The following SLC38A8 variants were observed in gnomAD, a reference collection of about 807,000 sequenced individuals.
SLC38A8 encodes the protein solute carrier family 38 member 8, also known as amino acid transporter SLC38A8.
In SLC38A8, 65 loss-of-function variants were observed where a neutral mutation model predicts 46.0. The observed-to-expected ratio is 1.41, with a 90% CI of 1.16 to 1.74. The LOEUF (loss-of-function observed/expected upper bound fraction) is 1.74, where lower values mean the gene tolerates loss of function less well. SLC38A8 is among the 40% of genes most tolerant of loss of function. SLC38A8 has a pLI of 0.00. For missense variants in SLC38A8, 998 were observed against 567.9 expected, an observed-to-expected ratio of 1.76 and a Z score of -7.70; for synonymous variants, 447 against 243.7, an observed-to-expected ratio of 1.83 and a Z score of -7.77.
intron 6 of SLC38A8, among the ~76,000 whole-genome samples, chr16:84,028,441 C>T (rs2085192197): frequency 6.6e-6 from 1 of 151,764 alleles, no homozygotes; most frequent in African/African-American, 2.4e-5. Flanking sequence ...AAAAATTAGC[C>T]AGGCATGGTG....
At chr16:84,013,471 G>A (rs184113463) in intron 9 of SLC38A8, among the ~76,000 whole-genome samples, 8 of 122,238 alleles carry the variant, frequency 6.5e-5, no homozygotes, top group Non-Finnish European at 4.8e-5. Flanking sequence ...TCACTCTGCT[G>A]CCAGGCTGGA....
intron 2 of SLC38A8, among the ~76,000 whole-genome samples, chr16:84,039,600 G>T (rs1481393923): frequency 6.6e-6 from 1 of 152,112 alleles, no homozygotes; most frequent in Non-Finnish European, 1.5e-5. Context: ...CAAAAAACTA[G>T]CAGGGTGTGG....
Position 84,036,821 on chromosome 16 carries a change from C to A in SLC38A8, c.269G>T (p.Gly90Val), listed in dbSNP as rs768657069. 33 of 1,613,958 alleles carry A rather than the reference C, an allele frequency of 2.0e-5. No individual in the cohort carries two copies. Among genetic ancestry groups the A allele is most frequent in the Non-Finnish European group, 2.5e-6 (3 of 1,180,034 alleles). ...AGGGCCACACAGCCCCCTGACCACA[C>A]CCTGGTAGGTGGCCTGGCCACTGAC... Reference protein sequence around the residue: ...AAVSGQATYQGVVRGLCGPAI... With the variant: ...AAVSGQATYQVVVRGLCGPAI... Residue 90 changes from glycine (G) to valine (V), a missense_variant, in exon 3 of 11, where the codon GGT (glycine) becomes GTT (valine). Coordinates refer to ENST00000299709, the MANE Select transcript of SLC38A8 (RefSeq NM_001080442.3).
rs149483298 is a variant in SLC38A8, at chr16:84,024,134, T to A, written c.691-1245A>T. ...CCCCAAGTTGTGACAACCCAAAATG[T>A]CTGCAGACATGGTCAAATGTTCCCT... On this transcript the variant is annotated intron_variant, in intron 6 of 10. Coordinates refer to ENST00000299709, the MANE Select transcript of SLC38A8 (RefSeq NM_001080442.3). Among the ~76,000 whole-genome samples the A allele has an allele frequency of 5.3e-3, 808 of 152,190 alleles. 7 individuals carry two copies. The highest frequency in any genetic ancestry group is 0.019 in the African/African-American group (777 of 41,522).
At chr16:84,037,666 C>T (rs1241647977) in intron 2 of SLC38A8, among the ~76,000 whole-genome samples, 1 of 151,724 alleles carries the variant, frequency 6.6e-6, no homozygotes, top group Non-Finnish European at 1.5e-5. Flanking sequence ...GAGGCTGAGG[C>T]AGCAAAATCT....
At chr16:84,034,663 A>C (rs984064355) in intron 3 of SLC38A8, among the ~76,000 whole-genome samples, 1 of 152,236 alleles carries the variant, frequency 6.6e-6, no homozygotes, top group African/African-American at 2.4e-5. Flanking sequence ...AGAATAGCTC[A>C]AGCGTACGAA....
At chr16:84,040,368 A>T (rs2085354115) in intron 2 of SLC38A8, among the ~76,000 whole-genome samples, 1 of 152,194 alleles carries the variant, frequency 6.6e-6, no homozygotes, top group Non-Finnish European at 1.5e-5. Flanking sequence ...TCTGGAGCTC[A>T]TCCTAAGCAA....
At chr16:84,011,715 G>A (rs1041950279) in intron 10 of SLC38A8, among the ~76,000 whole-genome samples, 1 of 152,122 alleles carries the variant, frequency 6.6e-6, no homozygotes, top group African/African-American at 2.4e-5. Flanking sequence ...TCTGATGGTA[G>A]GTATCCTTAT....
In SLC38A8 at chr16:84,029,554, G is replaced by A. The variant is rs754935111; in HGVS notation, c.633-3C>T. On this transcript the variant is annotated splice_polypyrimidine_tract_variant and splice_region_variant and intron_variant, in intron 5 of 10. Transcript: ENST00000299709. ...ACACAGAGGTCCAGGAGGCAGGGCT[G>A]TAAACAGACAAGAACAGGAGTTTAT... The A allele has an allele frequency of 6.2e-6, 10 of 1,614,026 alleles. No homozygotes were observed. In the South Asian group the frequency reaches 8.8e-5, roughly 14 times the overall value.
intron 6 of SLC38A8, among the ~76,000 whole-genome samples, chr16:84,027,220 G>C (rs1455989465): frequency 6.6e-6 from 1 of 152,132 alleles, no homozygotes; most frequent in Non-Finnish European, 1.5e-5. Context: ...CGTGGTGACA[G>C]GCGCCTGTAA....
intron 10 of SLC38A8, among the ~76,000 whole-genome samples, chr16:84,011,921 A>T (rs2084958746): frequency 6.6e-6 from 1 of 152,172 alleles, no homozygotes; most frequent in Non-Finnish European, 1.5e-5. Context: ...GATTTCTGAG[A>T]CGCAGAGACA....
intron 6 of SLC38A8, among the ~76,000 whole-genome samples, chr16:84,029,098 G>A (rs1346551379): frequency 6.6e-6 from 1 of 152,138 alleles, no homozygotes; most frequent in Non-Finnish European, 1.5e-5. Flanking sequence ...AGTCCACCTG[G>A]GTAAAACTGT....
At chr16:84,019,608 A>G (rs1297659593) in intron 7 of SLC38A8, among the ~76,000 whole-genome samples, 2 of 152,182 alleles carry the variant, frequency 1.3e-5, no homozygotes, top group Non-Finnish European at 2.9e-5. Flanking sequence ...CCCAAAACTC[A>G]TATCCTCCTC....
At position 84,042,624 on chromosome 16, in the gene SLC38A8, C is replaced by T. The variant is rs1324481345; in HGVS notation, c.-76G>A. 6.5e-6 allele frequency: 1 copy of T among 154,416 alleles called. No individual in the cohort carries two copies. The highest frequency in any genetic ancestry group is 1.9e-4 in the East Asian group (1 of 5,220). 9.6% of individuals were successfully genotyped at this position (154,416 alleles called of 1,614,324 possible). ...TGGGACTCGGGCTTACTCCAGGTGG[C>T]TCAGTTGCATTTCTTGGGGCCAGAG... On this transcript the variant is annotated 5_prime_UTR_variant, in exon 1 of 11. Transcript: ENST00000299709.
intron 9 of SLC38A8, among the ~76,000 whole-genome samples, chr16:84,013,746 T>TA (rs1342057751): frequency 7.0e-6 from 1 of 142,810 alleles, no homozygotes; most frequent in African/African-American, 2.7e-5. Flanking sequence ...TTTTTTTTTT[T>TA]AAATAGTTCT....
intron 10 of SLC38A8, among the ~76,000 whole-genome samples, chr16:84,011,273 T>C (rs747501498): frequency 3.9e-5 from 6 of 152,184 alleles, no homozygotes; most frequent in Non-Finnish European, 8.8e-5. Flanking sequence ...CAGTAAAAAC[T>C]GTTGTGAGCT....
At position 84,017,235 on chromosome 16, in the gene SLC38A8, C is replaced by G. The variant is rs746499353; in HGVS notation, c.858G>C (p.Met286Ile). 6 of 1,613,958 alleles carry G rather than the reference C, an allele frequency of 3.7e-6. No homozygotes were observed. Among genetic ancestry groups the G allele is most frequent in the Non-Finnish European group, 5.1e-6 (6 of 1,180,020 alleles). ...TGACCATATCATTGCCTGGGTAGGA[C>G]ATCAAGACGTCAGCAGAAACTTCTG... The part of the protein sequence containing the change: ...FGTEVSADVL[M>I]SYPGNDMVII... Residue 286 changes from methionine to isoleucine, a missense_variant, in exon 8 of 11, where the codon ATG (methionine) becomes ATC (isoleucine). Transcript: ENST00000299709.
intron 2 of SLC38A8, 132 bp from the exon 3 acceptor site, chr16:84,037,032 T>A: frequency 2.3e-6 from 2 of 888,882 alleles, no homozygotes; most frequent in Non-Finnish European, 3.5e-6. Flanking sequence ...AACATGGGGT[T>A]GGCAGTCTAC....
intron 6 of SLC38A8, among the ~76,000 whole-genome samples, chr16:84,025,513 G>T (rs921245660): frequency 9.2e-5 from 14 of 152,108 alleles, no homozygotes; most frequent in Admixed American, 3.9e-4. Flanking sequence ...TCAACCACAC[G>T]ACAACAACGA....
Sources: allele counts gnomAD v4.1 joint callset (sites outside exome capture counted in the v4.1 genomes callset), GRCh38; gene constraint gnomAD v4.1.1; transcripts MANE v1.5; gene names NCBI Gene and HGNC (gene_info 2026-07-23, HGNC 2026-07-21).